DENND1A: variants seen among roughly 807,000 people sequenced by gnomAD.
DENND1A encodes the protein DENN domain containing 1A.
Under a neutral mutation model 113.7 loss-of-function variants are expected in DENND1A, and 51 were observed. The ratio of observed to expected loss-of-function variants is 0.45; its 90% CI spans 0.36 to 0.57. The LOEUF is 0.57. DENND1A is among the 20% of genes least tolerant of loss of function. The pLI, the probability that DENND1A is intolerant of heterozygous loss-of-function variation, is 0.00. For synonymous variants in DENND1A, 565 were observed against 570.8 expected, an observed-to-expected ratio of 0.99 and a Z score of 0.14; for missense variants, 1,258 against 1,395.9, an observed-to-expected ratio of 0.90 and a Z score of 1.57.
chr9:123,922,066 G>A (rs1208973627), intron 1 of DENND1A, among the ~76,000 whole-genome samples: 1 of 151,954 alleles, frequency 6.6e-6, no homozygotes, highest in African/African-American at 2.4e-5. Flanking sequence ...CCAAGTAGCT[G>A]GGACCACAGA....
chr9:123,915,472 C>T (rs1289032234), intron 1 of DENND1A, among the ~76,000 whole-genome samples: 2 of 152,028 alleles, frequency 1.3e-5, no homozygotes, highest in Admixed American at 1.3e-4. Flanking sequence ...TAGGATAATA[C>T]CCTTCCCCTT....
At chr9:123,886,057 C>G (rs970938464) in intron 1 of DENND1A, among the ~76,000 whole-genome samples, 1 of 152,180 alleles carries the variant, frequency 6.6e-6, no homozygotes, top group Non-Finnish European at 1.5e-5. Flanking sequence ...GGATTACAGG[C>G]GTGAGCCACC....
At chr9:123,928,915 T>C in intron 1 of DENND1A, 1 of 984,926 alleles carries the variant, frequency 1.0e-6, no homozygotes, top group Non-Finnish European at 1.2e-6. Context: ...CTGTCAACTT[T>C]GCTTTTTAAT....
chr9:123,427,233 C>T (rs2045808861), intron 19 of DENND1A, among the ~76,000 whole-genome samples: 1 of 152,222 alleles, frequency 6.6e-6, no homozygotes, highest in Non-Finnish European at 1.5e-5. Context: ...TACGTTGAAC[C>T]ACTCACCACG....
chr9:123,542,410 C>T (rs945134054), intron 13 of DENND1A, among the ~76,000 whole-genome samples: 4 of 152,172 alleles, frequency 2.6e-5, no homozygotes, highest in Admixed American at 6.5e-5. Context: ...GGGTCTTTCA[C>T]TTCATTATGC....
intron 5 of DENND1A, among the ~76,000 whole-genome samples, chr9:123,690,277 TG>T (rs1213330967): frequency 6.6e-6 from 1 of 152,214 alleles, no homozygotes; most frequent in African/African-American, 2.4e-5. Context: ...ATTATGGGAT[TG>T]TAGAAAATCT....
At chr9:123,863,325 A>G (rs984484320) in intron 2 of DENND1A, among the ~76,000 whole-genome samples, 2 of 152,208 alleles carry the variant, frequency 1.3e-5, no homozygotes, top group Non-Finnish European at 2.9e-5. Flanking sequence ...AGTTGATTCA[A>G]ATGTAAATGC....
intron 2 of DENND1A, among the ~76,000 whole-genome samples, chr9:123,847,678 T>C: frequency 6.6e-6 from 1 of 152,256 alleles, no homozygotes. Flanking sequence ...CTCACACTTG[T>C]AATCCCAGCA....
At position 123,452,282 on chromosome 9, in the gene DENND1A, G is replaced by A. The variant is rs1224553492; in HGVS notation, c.1293C>T (p.Tyr431=). The A allele has an allele frequency of 1.2e-6, 2 of 1,614,082 alleles. No homozygotes were observed. The highest frequency in any genetic ancestry group is 1.3e-5 in the African/African-American group (1 of 74,944). Residue 431 remains tyrosine, a synonymous_variant, in exon 17 of 24, where the codon TAC becomes TAT. Coordinates refer to ENST00000394215, the MANE Select transcript of DENND1A (RefSeq NM_001352964.2). ...TKANPAMKTV[Y]KFAKDHAKMG... is the part of the protein sequence containing the mutation. ...CAGCAAGACCAGTACTTACGAACTT[G>A]TAGACAGTCTTCATGGCCGGATTTG... is the stretch of plus-strand genomic sequence containing the variant.
chr9:123,642,423 T>C (rs1258187475), intron 9 of DENND1A, among the ~76,000 whole-genome samples: 1 of 152,260 alleles, frequency 6.6e-6, no homozygotes, highest in Non-Finnish European at 1.5e-5. Flanking sequence ...CTCTATTCCA[T>C]GCCACTTCAT....
Position 123,383,808 on chromosome 9 carries a change from G to C in DENND1A, c.1866C>G (p.Pro622=). ...VRKSTGPVPA[P]PDRAASIDLL... ...GGTCGATGCTGGCAGCCCGGTCAGG[G>C]GGAGCTGGGACAGGGCCTGTGGACT... Residue 622 remains proline (P), a synonymous_variant, in exon 23 of 24, where the codon CCC becomes CCG. Transcript: ENST00000394215. The C allele has an allele frequency of 6.2e-7, 1 of 1,614,078 alleles. No individual in the cohort carries two copies. Among genetic ancestry groups the C allele is most frequent in the Non-Finnish European group, 8.5e-7 (1 of 1,180,050 alleles).
At chr9:123,707,214 G>A (rs1436853910) in intron 5 of DENND1A, among the ~76,000 whole-genome samples, 1 of 152,092 alleles carries the variant, frequency 6.6e-6, no homozygotes, top group Non-Finnish European at 1.5e-5. Context: ...GATCAACATC[G>A]AGAAACCTCG....
At chr9:123,486,614 T>C (rs1223869231) in intron 13 of DENND1A, among the ~76,000 whole-genome samples, 1 of 152,218 alleles carries the variant, frequency 6.6e-6, no homozygotes, top group Non-Finnish European at 1.5e-5. Flanking sequence ...CTAAATGGCA[T>C]GTGTCCAGCC....
chr9:123,616,928 C>T (rs564145332), intron 10 of DENND1A, among the ~76,000 whole-genome samples: 3 of 152,322 alleles, frequency 2.0e-5, no homozygotes, highest in South Asian at 2.1e-4. Context: ...ATTGCATATG[C>T]GCAAACCGCT....
intron 11 of DENND1A, among the ~76,000 whole-genome samples, chr9:123,592,030 A>C (rs1431679985): frequency 6.6e-6 from 1 of 152,150 alleles, no homozygotes; most frequent in South Asian, 2.1e-4. Flanking sequence ...TCTGAGCCTC[A>C]GTGTTCTTAT....
At chr9:123,539,253 A>G (rs2056092959) in intron 13 of DENND1A, among the ~76,000 whole-genome samples, 1 of 152,176 alleles carries the variant, frequency 6.6e-6, no homozygotes, top group Admixed American at 6.5e-5. Flanking sequence ...TTAGCAGGAA[A>G]TACAGGGGAC....
At chr9:123,605,318 A>G (rs1468527171) in intron 11 of DENND1A, among the ~76,000 whole-genome samples, 1 of 152,138 alleles carries the variant, frequency 6.6e-6, no homozygotes, top group Non-Finnish European at 1.5e-5. Context: ...GAAGGTCTTC[A>G]TTTATCAAAC....
chr9:123,453,209 C>T (rs1377853811), intron 16 of DENND1A, among the ~76,000 whole-genome samples: 1 of 152,166 alleles, frequency 6.6e-6, no homozygotes, highest in Non-Finnish European at 1.5e-5. Flanking sequence ...AGAGGCAGGA[C>T]AGCACAGTAA....
chr9:123,778,039 C>T (rs1830712803), intron 3 of DENND1A, among the ~76,000 whole-genome samples: 1 of 151,958 alleles, frequency 6.6e-6, no homozygotes, highest in Admixed American at 6.6e-5. Flanking sequence ...CATTTCATTA[C>T]AAAGACAGAA....
Sources: gnomAD v4.1 joint callset for allele counts (sites outside exome capture counted in the v4.1 genomes callset) on GRCh38, gnomAD v4.1.1 for gene constraint, MANE v1.5 for transcripts, NCBI Gene and HGNC (gene_info 2026-07-23, HGNC 2026-07-21) for gene names.